Variants in BTRC observed in about 807,000 individuals in gnomAD.
BTRC encodes the protein F-box/WD repeat-containing protein 1A.
A neutral mutation model predicts 85.5 loss-of-function variants in BTRC; 42 were observed. The ratio of observed to expected loss-of-function variants is 0.49; its 90% CI spans 0.38 to 0.64. The LOEUF is 0.64. Among genes scored for constraint, BTRC ranks in the 30% least tolerant of loss-of-function variants. The probability of loss-of-function intolerance (pLI) is 0.00; values close to 1 mark genes in which losing one functional copy is unlikely to be tolerated. For synonymous variants in BTRC, 255 were observed against 263.3 expected (o/e 0.97, Z 0.30); for missense variants, 594 against 743.5 (o/e 0.80, Z 2.34).
At chr10:101,424,717 G>A (rs1944202851) in intron 1 of BTRC, among the ~76,000 whole-genome samples, 1 of 152,162 alleles carries the variant, frequency 6.6e-6, no homozygotes, top group Admixed American at 6.5e-5. Flanking sequence ...AGTGTTCTCT[G>A]TGTAAATGAA....
At position 101,534,701 on chromosome 10, in the gene BTRC, A is replaced by T. The variant is rs749496300; in HGVS notation, c.1138A>T (p.Ile380Phe). The T allele has an allele frequency of 6.2e-7, 1 of 1,614,144 alleles. No homozygotes were observed. The highest frequency in any genetic ancestry group is 8.5e-7 in the Non-Finnish European group (1 of 1,179,966). The part of the protein sequence containing the change: ...VNTGEMLNTL[I>F]HHCEAVLHLR... ...TACAGGTGAAATGCTAAACACGTTG[A>T]TTCACCATTGTGAAGCAGTTCTGCA... Residue 380 changes from isoleucine (I) to phenylalanine (F), a missense_variant, in exon 10 of 15, where the codon ATT becomes TTT. This residue lies in a region of BTRC where 373 missense variants were observed against 503.6 expected (regional missense o/e 0.74). Coordinates refer to ENST00000370187, the MANE Select transcript of BTRC (RefSeq NM_033637.4).
chr10:101,550,909 G>C lies in BTRC; in HGVS notation c.*31+18G>C, dbSNP rs2062639768. The C allele has an allele frequency of 3.2e-6, 5 of 1,571,124 alleles. No homozygotes were observed. Among genetic ancestry groups the C allele is most frequent in the Non-Finnish European group, 4.4e-6 (5 of 1,146,522 alleles). On this transcript the variant is annotated intron_variant, in intron 14 of 14. Coordinates refer to ENST00000370187, the MANE Select transcript of BTRC (RefSeq NM_033637.4). Reference sequence around the variant, plus strand: ...TTGCCCAGGTATCGAAATCGATTATGTACATAACACTGTGGGTAGGAGACG... The same window carrying C: ...TTGCCCAGGTATCGAAATCGATTATCTACATAACACTGTGGGTAGGAGACG...
At chr10:101,418,490 A>AAATG (rs1426842983) in intron 1 of BTRC, among the ~76,000 whole-genome samples, 36 of 130,412 alleles carry the variant, frequency 2.8e-4, no homozygotes, top group Non-Finnish European at 5.3e-4. Flanking sequence ...ATATATAGAA[A>AAATG]AATGAATACT....
Position 101,521,694 on chromosome 10 carries a change from C to G in BTRC, c.380C>G (p.Ser127Ter), listed in dbSNP as rs2062108495. 1.2e-6 allele frequency: 2 copies of G among 1,614,040 alleles called. No individual in the cohort carries two copies. The highest frequency in any genetic ancestry group is 1.7e-6 in the Non-Finnish European group (2 of 1,180,040). The change falls in exon 5 of 15, where the codon TCA (serine) becomes TGA (stop). Residue 127 changes from serine to a stop codon, truncating the protein, a stop_gained. Transcript: ENST00000370187. LOFTEE classifies it high-confidence loss of function. ...SMIVPKQRKL[S>*]ASYEKEKELC... is the part of the protein sequence containing the mutation. ...ATTGTGCCCAAGCAACGGAAACTCTCAGCAAGCTATGAAAAGGAAAAGGAA... is the reference window on the plus strand; with the variant it reads ...ATTGTGCCCAAGCAACGGAAACTCTGAGCAAGCTATGAAAAGGAAAAGGAA...
At chr10:101,396,184 G>T (rs978460805) in intron 1 of BTRC, among the ~76,000 whole-genome samples, 1 of 150,488 alleles carries the variant, frequency 6.6e-6, no homozygotes, top group Admixed American at 6.7e-5. Context: ...CACTGTCTTT[G>T]CTCTCATTTC....
intron 4 of BTRC, among the ~76,000 whole-genome samples, chr10:101,511,350 C>T: frequency 6.6e-6 from 1 of 152,160 alleles, no homozygotes; most frequent in Admixed American, 6.5e-5. Context: ...TCAGGTGTCA[C>T]TTCCTTTAGA....
chr10:101,394,289 G>T (rs1488465957), intron 1 of BTRC, among the ~76,000 whole-genome samples: 1 of 152,124 alleles, frequency 6.6e-6, no homozygotes, highest in Non-Finnish European at 1.5e-5. Flanking sequence ...GATATTTTTA[G>T]ATCTAATTGC....
intron 1 of BTRC, among the ~76,000 whole-genome samples, chr10:101,427,956 A>G (rs1325746406): frequency 6.6e-6 from 1 of 152,202 alleles, no homozygotes; most frequent in East Asian, 1.9e-4. Flanking sequence ...TAATACGTAT[A>G]AAGAAGTAAT....
At chr10:101,423,555 A>G (rs1009284670) in intron 1 of BTRC, among the ~76,000 whole-genome samples, 2 of 152,258 alleles carry the variant, frequency 1.3e-5, no homozygotes, top group Non-Finnish European at 2.9e-5. Flanking sequence ...TCCTTGAAAT[A>G]GAGTGTAAAC....
intron 1 of BTRC, among the ~76,000 whole-genome samples, chr10:101,412,419 A>G (rs1473164866): frequency 4.6e-5 from 7 of 152,198 alleles, no homozygotes; most frequent in African/African-American, 1.7e-4. Context: ...TTCAGGGATT[A>G]CATTCTGGCA....
chr10:101,387,879 G>A lies in BTRC; in HGVS notation c.48+33651G>A, dbSNP rs181910387. On this transcript the variant is annotated intron_variant, in intron 1 of 14. Transcript: ENST00000370187. Reference sequence around the variant, plus strand: ...TAATTTTTGTATTTTTAGGAGAGACGGGGCTTTGCCATGTTGGTCAGGCTG... The same window carrying A: ...TAATTTTTGTATTTTTAGGAGAGACAGGGCTTTGCCATGTTGGTCAGGCTG... Among the ~76,000 whole-genome samples, 605 of 151,866 alleles carry A rather than the reference G, an allele frequency of 4.0e-3. 9 individuals carry two copies. The highest frequency in any genetic ancestry group is 0.014 in the African/African-American group (576 of 41,384).
chr10:101,354,326 C>A, intron 1 of BTRC, 98 bp downstream of exon 1: 1 of 1,345,228 alleles, frequency 7.4e-7, no homozygotes, highest in Non-Finnish European at 1.0e-6. Context: ...GGCAGCGGGA[C>A]CCTGGGCCGA....
At chr10:101,498,398 GC>G (rs1447846808) in intron 4 of BTRC, among the ~76,000 whole-genome samples, 3 of 151,922 alleles carry the variant, frequency 2.0e-5, no homozygotes, top group African/African-American at 7.3e-5. Context: ...CAGGTGATCT[GC>G]CCCCCTTGGC....
chr10:101,371,171 T>G (rs145175060), intron 1 of BTRC, among the ~76,000 whole-genome samples: 3,145 of 144,616 alleles, frequency 0.022, 69 homozygotes, highest in South Asian at 0.1. Context: ...ATTCTTTTTT[T>G]TTTGTTTGTT....
chr10:101,412,595 A>G (rs982650720), intron 1 of BTRC, among the ~76,000 whole-genome samples: 2 of 152,248 alleles, frequency 1.3e-5, no homozygotes, highest in Non-Finnish European at 2.9e-5. Flanking sequence ...ATGTACTAGA[A>G]GTCCTCATAT....
At chr10:101,490,922 G>A (rs935909103) in intron 4 of BTRC, among the ~76,000 whole-genome samples, 2 of 152,034 alleles carry the variant, frequency 1.3e-5, no homozygotes, top group African/African-American at 4.8e-5. Context: ...AGGTGGATGT[G>A]GTGGCTGCAC....
At chr10:101,362,650 C>G (rs1379356312) in intron 1 of BTRC, among the ~76,000 whole-genome samples, 1 of 152,114 alleles carries the variant, frequency 6.6e-6, no homozygotes, top group Non-Finnish European at 1.5e-5. Context: ...CCGCCTCTGC[C>G]TCCCAAAGTG....
Position 101,455,983 on chromosome 10 carries a change from A to ACACACACACACACAC in BTRC, c.157-5998_157-5997insCACACACACACACAC, listed in dbSNP as rs1554881061. On this transcript the variant is annotated intron_variant, in intron 2 of 14. Transcript: ENST00000370187. ...ATGGTGAAACTCTGTCTCTACTAAAAACACACACACACACACACACACACA... is the reference window on the plus strand; with the variant it reads ...ATGGTGAAACTCTGTCTCTACTAAAACACACACACACACACACACACACACACACACACACACACA... Among the ~76,000 whole-genome samples, 303 of 96,034 alleles carry ACACACACACACACAC rather than the reference A, an allele frequency of 3.2e-3. 1 individual carries two copies. The highest frequency in any genetic ancestry group is 5.3e-3 in the Middle Eastern group (1 of 190). 63.0% of individuals were successfully genotyped at this position (96,034 alleles called of 152,430 possible).
intron 4 of BTRC, among the ~76,000 whole-genome samples, chr10:101,508,925 A>AAAAAAAAAAAAC (rs1946615404): frequency 6.6e-6 from 1 of 151,062 alleles, no homozygotes; most frequent in South Asian, 2.1e-4. Flanking sequence ...AAAAAAAAAA[A>AAAAAAAAAAAAC]AAAAAAAAAA....
Sources: gnomAD v4.1 joint callset for allele counts (sites outside exome capture counted in the v4.1 genomes callset) on GRCh38, gnomAD v4.1.1 for gene constraint, gnomAD v4.1.1 regional missense constraint, MANE v1.5 for transcripts, NCBI Gene and HGNC (gene_info 2026-07-23, HGNC 2026-07-21) for gene names.